Variants in DTX1 observed in about 807,000 individuals in gnomAD.
DTX1 encodes the protein E3 ubiquitin-protein ligase DTX1.
In DTX1, 26 loss-of-function variants were observed where a neutral mutation model predicts 57.8. That is an observed-to-expected ratio of 0.45 (90% CI 0.33 to 0.62). The LOEUF (loss-of-function observed/expected upper bound fraction) is 0.62. Ranked by LOEUF, DTX1 falls within the 20% of genes least tolerant of loss-of-function variation. The probability of loss-of-function intolerance (pLI) is 0.02; values close to 1 mark genes in which losing one functional copy is unlikely to be tolerated. For synonymous variants in DTX1, 398 were observed against 394.1 expected, an observed-to-expected ratio of 1.01 and a Z score of -0.12; for missense variants, 704 against 895.3, an observed-to-expected ratio of 0.79 and a Z score of 2.73.
At chr12:113,057,183 G>A (rs2044630573) in intron 1 of DTX1, among the ~76,000 whole-genome samples, 2 of 152,110 alleles carry the variant, frequency 1.3e-5, no homozygotes, top group South Asian at 4.1e-4. Context: ...CATCCCCCCG[G>A]CAGGGCGAGG....
At chr12:113,071,455 G>A (rs1356057729) in intron 2 of DTX1, among the ~76,000 whole-genome samples, 1 of 152,256 alleles carries the variant, frequency 6.6e-6, no homozygotes, top group Non-Finnish European at 1.5e-5. Flanking sequence ...GCCCATGTTT[G>A]TCACAGGCCC....
At chr12:113,089,345 G>T (rs1950228640) in intron 3 of DTX1, among the ~76,000 whole-genome samples, 1 of 152,146 alleles carries the variant, frequency 6.6e-6, no homozygotes, top group African/African-American at 2.4e-5. Flanking sequence ...AGGACAGATG[G>T]GATCTGATTT....
At chr12:113,057,211 G>T (rs2044630839) in intron 1 of DTX1, among the ~76,000 whole-genome samples, 1 of 152,046 alleles carries the variant, frequency 6.6e-6, no homozygotes, top group Admixed American at 6.5e-5. Context: ...GGGAAGGGAA[G>T]GCTCCGGGAG....
At chr12:113,083,914 C>T (rs2136062659) in intron 3 of DTX1, among the ~76,000 whole-genome samples, 1 of 152,364 alleles carries the variant, frequency 6.6e-6, no homozygotes. Flanking sequence ...TCAGTCTCCC[C>T]ATCTGTCAGA....
At chr12:113,083,655 C>A (rs1430910504) in intron 3 of DTX1, among the ~76,000 whole-genome samples, 1 of 152,248 alleles carries the variant, frequency 6.6e-6, no homozygotes, top group Admixed American at 6.5e-5. Context: ...TGGCAAAAAC[C>A]ACCATTTCTT....
In DTX1 at chr12:113,079,694, C is replaced by CTGTGTGTG. The variant is rs71086139; in HGVS notation, c.941+1625_941+1632dup. 4.2e-3 allele frequency among the ~76,000 whole-genome samples: 550 copies of CTGTGTGTG among 132,408 alleles called. 3 individuals are homozygous for CTGTGTGTG. Among genetic ancestry groups the CTGTGTGTG allele is most frequent in the Middle Eastern group, 0.011 (3 of 276 alleles). 86.9% of individuals were successfully genotyped at this position (132,408 alleles called of 152,430 possible). On this transcript the variant is annotated intron_variant, in intron 3 of 9. Transcript: ENST00000548759. Reference sequence around the variant, plus strand: ...AGGTGCATGCCACCATTCCCGGCTACTGTGTGTGTGTGTGTGTGTGTGTGT... The same window carrying CTGTGTGTG: ...AGGTGCATGCCACCATTCCCGGCTACTGTGTGTGTGTGTGTGTGTGTGTGTGTGTGTGT...
At position 113,093,048 on chromosome 12, in the gene DTX1, T is replaced by A; in HGVS notation, c.942-114T>A. On this transcript the variant is annotated intron_variant, in intron 3 of 9. Transcript: ENST00000548759. This position sits in a 1 kb window ranked among gnomAD's most constrained non-coding sequence, Gnocchi z 4.2. ...GAGGTAACTGCAGTTGGCAGAGAGGTACAAAGAGGCCAGGGTGTGTGGCCC... is the reference window on the plus strand; with the variant it reads ...GAGGTAACTGCAGTTGGCAGAGAGGAACAAAGAGGCCAGGGTGTGTGGCCC... The A allele has an allele frequency of 9.8e-7, 1 of 1,018,962 alleles. No individual in the cohort carries two copies. The allele number at this position is 1,018,962 out of a possible 1,614,324, so 63.1% of individuals were successfully genotyped here. A position where few individuals can be genotyped will look rare whatever the true frequency, so the allele number is the denominator to read the frequency against.
At chr12:113,096,444 A>C (rs1378403543) in intron 9 of DTX1, among the ~76,000 whole-genome samples, 6 of 9,524 alleles carry the variant, frequency 6.3e-4, no homozygotes, top group Non-Finnish European at 3.1e-3. Flanking sequence ...TGCCTCAAAA[A>C]AAAAAAAAAA....
At chr12:113,073,185 G>A (rs551041673) in intron 2 of DTX1, among the ~76,000 whole-genome samples, 2 of 152,288 alleles carry the variant, frequency 1.3e-5, no homozygotes, top group South Asian at 2.1e-4. Context: ...CTCACCAGGA[G>A]CTGAATGGTG....
chr12:113,090,592 C>G (rs1046930746), intron 3 of DTX1, among the ~76,000 whole-genome samples: 1 of 152,200 alleles, frequency 6.6e-6, no homozygotes, highest in Non-Finnish European at 1.5e-5. Context: ...ACCCAGGGTA[C>G]CCGCCATCCC....
intron 2 of DTX1, among the ~76,000 whole-genome samples, chr12:113,063,843 C>G (rs1321060079): frequency 7.9e-5 from 12 of 152,176 alleles, no homozygotes. Context: ...GGAGCTTTTC[C>G]CATCACCGGG....
At chr12:113,081,379 G>T (rs565220510) in intron 3 of DTX1, among the ~76,000 whole-genome samples, 1 of 152,306 alleles carries the variant, frequency 6.6e-6, no homozygotes, top group Admixed American at 6.5e-5. Context: ...TCTAGAGGAG[G>T]CTGAAAATTA....
At chr12:113,084,985 C>T in intron 3 of DTX1, among the ~76,000 whole-genome samples, 1 of 98,204 alleles carries the variant, frequency 1.0e-5, no homozygotes, top group Admixed American at 1.1e-4. Flanking sequence ...ATGGGACTGG[C>T]AACACAGGCC....
chr12:113,095,906 C>T (rs1409083874), intron 9 of DTX1, among the ~76,000 whole-genome samples: 1 of 152,126 alleles, frequency 6.6e-6, no homozygotes, highest in African/African-American at 2.4e-5. Context: ...GCTTTCTTCA[C>T]CCCAGAAAAA....
rs1273818727 is a variant in DTX1 at position 113,095,355 on chromosome 12, T to C, written c.1579T>C (p.Phe527Leu). 6.2e-7 allele frequency: 1 copy of C among 1,613,998 alleles called. No homozygotes were observed. Among genetic ancestry groups the C allele is most frequent in the Non-Finnish European group, 8.5e-7 (1 of 1,180,030 alleles). ...TGAGCACCCCAACCCCGGGAAGAAG[T>C]TCACCGCAAGAGGATTCCCTCGCCA... ...GPEHPNPGKKFTARGFPRHCY... is the reference protein window; with the variant it reads ...GPEHPNPGKKLTARGFPRHCY... Residue 527 changes from phenylalanine to leucine, a missense_variant, in exon 9 of 10, where the codon TTC becomes CTC. Phe to Leu is a conservative substitution (Grantham distance 22). Transcript: ENST00000548759.
chr12:113,093,895 AC>A lies in DTX1; in HGVS notation c.1166-140del. 1 of 1,415,880 alleles carries A rather than the reference AC, an allele frequency of 7.1e-7. No individual in the cohort carries two copies. Among genetic ancestry groups the A allele is most frequent in the Non-Finnish European group, 9.7e-7 (1 of 1,027,380 alleles). 87.7% of individuals were successfully genotyped at this position (1,415,880 alleles called of 1,614,324 possible). On this transcript the variant is annotated intron_variant, in intron 5 of 9. Transcript: ENST00000548759. This position sits in a 1 kb window ranked among gnomAD's most constrained non-coding sequence, Gnocchi z 4.2. ...AACCTCCAGCAACCCCTGACCTCTGACCCTGGCCAACCCTTGCCAGCCTGAC... is the reference window on the plus strand; with the variant it reads ...AACCTCCAGCAACCCCTGACCTCTGACCTGGCCAACCCTTGCCAGCCTGAC...
At position 113,093,464 on chromosome 12, in the gene DTX1, GA is replaced by G; in HGVS notation, c.1004-74del. 11 of 1,390,546 alleles carry G rather than the reference GA, an allele frequency of 7.9e-6. No homozygotes were observed. Among genetic ancestry groups the G allele is most frequent in the Non-Finnish European group, 1.1e-5 (11 of 1,045,508 alleles). The allele number at this position is 1,390,546 out of a possible 1,614,324, so 86.1% of individuals were successfully genotyped here. A position where few individuals can be genotyped will look rare whatever the true frequency, so the allele number is the denominator to read the frequency against. ...CCTCCCACCCACCCGAGGGCCCCGG[GA>G]TTCCCAGGGCCAGTGGTCGGGGGTT... On this transcript the variant is annotated intron_variant, in intron 4 of 9. Coordinates refer to ENST00000548759, the MANE Select transcript of DTX1 (RefSeq NM_004416.3). The surrounding 1 kb of genome is among the most constrained non-coding windows in gnomAD (Gnocchi z 4.2).
At position 113,094,686 on chromosome 12, in the gene DTX1, G is replaced by A. The variant is rs1013471464; in HGVS notation, c.1228-103G>A. 3.7e-5 allele frequency: 53 copies of A among 1,437,360 alleles called. No homozygotes were observed. The African/African-American group carries it at 7.2e-4, about 20-fold the overall frequency. 89.0% of individuals were successfully genotyped at this position (1,437,360 alleles called of 1,614,324 possible). On this transcript the variant is annotated intron_variant, in intron 6 of 9. Transcript: ENST00000548759. ...CTCCCTTTGCCAAATGGGTACCAGA[G>A]AGAGTGTGGTCTGCTGCCTATGGTG...
intron 2 of DTX1, among the ~76,000 whole-genome samples, chr12:113,065,566 C>A (rs1206072994): frequency 6.6e-6 from 1 of 152,178 alleles, no homozygotes; most frequent in Non-Finnish European, 1.5e-5. Flanking sequence ...TTCCTCCCAT[C>A]CCCCGCCTCA....
Sources: allele counts gnomAD v4.1 joint callset (sites outside exome capture counted in the v4.1 genomes callset), GRCh38; gene constraint gnomAD v4.1.1; non-coding constraint Gnocchi (gnomAD v3.1); transcripts MANE v1.5; gene names NCBI Gene and HGNC (gene_info 2026-07-23, HGNC 2026-07-21).